The following BBS7 variants were observed in gnomAD, a reference collection of about 807,000 sequenced individuals.
BBS7 encodes Bardet-Biedl syndrome 7.
BBS7 carries 50 observed loss-of-function variants against 90.3 expected under a neutral mutation model. That is an observed-to-expected ratio of 0.55 (90% CI 0.44 to 0.70). The LOEUF (loss-of-function observed/expected upper bound fraction) is 0.70, where lower values mean the gene tolerates loss of function less well. BBS7 is among the 30% of genes least tolerant of loss of function. The probability of loss-of-function intolerance (pLI) is 0.00; values close to 1 mark genes in which losing one functional copy is unlikely to be tolerated. For synonymous variants in BBS7, 235 were observed against 287.4 expected (o/e 0.82, Z 1.85); for missense variants, 729 against 838.9 (o/e 0.87, Z 1.62).
chr4:121,838,486 A>C (rs1045417396), intron 13 of BBS7, among the ~76,000 whole-genome samples: 1 of 152,094 alleles, frequency 6.6e-6, no homozygotes, highest in Admixed American at 6.6e-5. Flanking sequence ...ACTAAAACAG[A>C]TTTGTGTGCT....
Position 121,868,684 on chromosome 4 carries a change from C to CAAAAAAAAAAAAA in BBS7, c.37-651_37-639dup, listed in dbSNP as rs34910805. ...TGCGTGACAGAACAAGACCCTGTTT[C>CAAAAAAAAAAAAA]AAAAAAAAAAAAAAAAAAAAAAAAA... On this transcript the variant is annotated intron_variant, in intron 1 of 18. Coordinates refer to ENST00000264499, the MANE Select transcript of BBS7 (RefSeq NM_176824.3). 2.2e-4 allele frequency among the ~76,000 whole-genome samples: 11 copies of CAAAAAAAAAAAAA among 49,684 alleles called. 3 individuals carry two copies. Among genetic ancestry groups the CAAAAAAAAAAAAA allele is most frequent in the African/African-American group, 7.2e-4 (8 of 11,056 alleles). 32.6% of individuals were successfully genotyped at this position (49,684 alleles called of 152,430 possible). A position where few individuals can be genotyped will look rare whatever the true frequency, so the allele number is the denominator to read the frequency against.
chr4:121,851,831 C>T (rs1726335659), intron 8 of BBS7, among the ~76,000 whole-genome samples: 1 of 152,162 alleles, frequency 6.6e-6, no homozygotes, highest in Non-Finnish European at 1.5e-5. Flanking sequence ...CTAAGCATAA[C>T]CTGAAAGCAG....
At position 121,855,973 on chromosome 4, in the gene BBS7, T is replaced by C. The variant is rs1295956057; in HGVS notation, c.529-412A>G. 4.2e-4 allele frequency among the ~76,000 whole-genome samples: 63 copies of C among 151,438 alleles called. 4 individuals carry two copies. The highest frequency in any genetic ancestry group is 2.9e-5 in the Non-Finnish European group (2 of 67,948). On this transcript the variant is annotated intron_variant, in intron 5 of 18. Transcript: ENST00000264499. ...ACATATATATGTGTGTATATATATA[T>C]ATATAAAATGTAAAGACCAAGAAGA... is the stretch of plus-strand genomic sequence containing the variant.
chr4:121,854,799 A>G lies in BBS7; in HGVS notation c.623T>C (p.Leu208Ser). 6 of 1,612,284 alleles carry G rather than the reference A, an allele frequency of 3.7e-6. No individual in the cohort carries two copies. Among genetic ancestry groups the G allele is most frequent in the Non-Finnish European group, 5.1e-6 (6 of 1,178,796 alleles). The change falls in exon 7 of 19, where the codon TTG becomes TCG. Residue 208 changes from leucine to serine, a missense_variant. By Grantham distance (145) the Leu-to-Ser change is moderately radical (BLOSUM62 -2). Transcript: ENST00000264499. The stretch of plus-strand genomic sequence containing the variant: ...AAGTTTTCCGTCTGATGTCCCAAAC[A>G]AAAGGTCTTCTCCAGAGTCACCTAC... The part of the protein sequence containing the change: ...GNGGDSGEDL[L>S]FGTSDGKLAL...
chr4:121,864,530 G>A (rs1045888090), intron 2 of BBS7, among the ~76,000 whole-genome samples: 3 of 152,142 alleles, frequency 2.0e-5, no homozygotes, highest in African/African-American at 4.8e-5. Context: ...GACATGTTAT[G>A]TAAACATGTA....
rs147199289 is a variant in BBS7 at position 121,833,347 on chromosome 4, A to G, written c.1560T>C (p.Val520=). ...TLTGQFSFAE[V]HSWVVFCLPE... ...GCAGACAAAAAACCACCCAGGAGTG[A>G]ACTTCAGCAAAACTGAACTGGCCTG... The change falls in exon 15 of 19, where the codon GTT becomes GTC. Residue 520 remains valine, a synonymous_variant. Transcript: ENST00000264499. The G allele has an allele frequency of 6.2e-7, 1 of 1,614,062 alleles. No individual in the cohort carries two copies. The highest frequency in any genetic ancestry group is 8.5e-7 in the Non-Finnish European group (1 of 1,179,954).
intron 1 of BBS7, among the ~76,000 whole-genome samples, chr4:121,869,982 G>A (rs1352831502): frequency 6.6e-6 from 1 of 152,218 alleles, no homozygotes; most frequent in Non-Finnish European, 1.5e-5. Context: ...TAGGGAGGAG[G>A]AGAAGGGCCC....
intron 2 of BBS7, among the ~76,000 whole-genome samples, chr4:121,865,294 A>G (rs1175460304): frequency 6.6e-6 from 1 of 151,068 alleles, no homozygotes; most frequent in Admixed American, 6.6e-5. Context: ...GCTGGAGTGC[A>G]AAGGTGCCAT....
intron 12 of BBS7, among the ~76,000 whole-genome samples, chr4:121,841,422 G>A (rs1725734247): frequency 6.6e-6 from 1 of 152,038 alleles, no homozygotes; most frequent in African/African-American, 2.4e-5. Context: ...AAAATTAGCT[G>A]GGCATCATGG....
intron 14 of BBS7, among the ~76,000 whole-genome samples, chr4:121,834,792 T>C (rs1056790772): frequency 3.3e-5 from 5 of 152,140 alleles, no homozygotes. Context: ...ATAAAGGAAA[T>C]ATAATATTTG....
At chr4:121,863,448 A>G (rs1184634728) in intron 2 of BBS7, among the ~76,000 whole-genome samples, 169 bp from the exon 3 acceptor site, 1 of 152,196 alleles carries the variant, frequency 6.6e-6, no homozygotes, top group Non-Finnish European at 1.5e-5. Context: ...CAAGAGCCAA[A>G]AGAGAAGGAT....
chr4:121,836,570 GATAA>G (rs1725459236), intron 13 of BBS7, among the ~76,000 whole-genome samples: 1 of 152,014 alleles, frequency 6.6e-6, no homozygotes, highest in South Asian at 2.1e-4. Context: ...CCAAGATATG[GATAA>G]ATAGCTATTT....
At chr4:121,829,821 T>C (rs542581075) in intron 15 of BBS7, among the ~76,000 whole-genome samples, 26 of 152,294 alleles carry the variant, frequency 1.7e-4, no homozygotes, top group Admixed American at 6.5e-4. Context: ...TAACACTGCA[T>C]GGTAAAGCCA....
chr4:121,845,430 T>A, intron 11 of BBS7, 74 bp downstream of exon 11: 1 of 927,006 alleles, frequency 1.1e-6, no homozygotes, highest in South Asian at 1.8e-5. Flanking sequence ...AAATGTTCAA[T>A]AATAATTAGT....
intron 16 of BBS7, 45 bp from the exon 17 acceptor site, chr4:121,828,550 A>G (rs1217671317): frequency 6.4e-7 from 1 of 1,555,780 alleles, no homozygotes; most frequent in Admixed American, 1.7e-5. Context: ...CACTTTGATC[A>G]GAAACATTAA....
intron 3 of BBS7, among the ~76,000 whole-genome samples, chr4:121,861,944 G>A (rs1367811385): frequency 6.6e-6 from 1 of 152,088 alleles, no homozygotes; most frequent in Non-Finnish European, 1.5e-5. Context: ...TCACTAAGCA[G>A]CAATGTTAGC....
At chr4:121,837,194 T>C (rs1474755545) in intron 13 of BBS7, among the ~76,000 whole-genome samples, 1 of 152,174 alleles carries the variant, frequency 6.6e-6, no homozygotes, top group Non-Finnish European at 1.5e-5. Flanking sequence ...CTTGAACTCC[T>C]GACCTCAAGT....
At chr4:121,853,147 C>A (rs1409630767) in intron 7 of BBS7, 61 bp from the exon 8 acceptor site, 3 of 1,564,048 alleles carry the variant, frequency 1.9e-6, no homozygotes, top group Non-Finnish European at 2.6e-6. Flanking sequence ...CAAGTATATG[C>A]CAAGTAAGAA....
At chr4:121,830,173 G>A (rs547280559) in intron 15 of BBS7, among the ~76,000 whole-genome samples, 1 of 152,270 alleles carries the variant, frequency 6.6e-6, no homozygotes, top group South Asian at 2.1e-4. Context: ...AGGCCAAGGC[G>A]GGCAGATCAC....
Sources: allele counts gnomAD v4.1 joint callset (sites outside exome capture counted in the v4.1 genomes callset), GRCh38; gene constraint gnomAD v4.1.1; transcripts MANE v1.5; gene names NCBI Gene and HGNC (gene_info 2026-07-23, HGNC 2026-07-21).